AVEN: variants seen among roughly 807,000 people sequenced by gnomAD.
The protein encoded by AVEN is cell death regulator Aven.
In AVEN, 41 loss-of-function variants were observed where a neutral mutation model predicts 38.1. That is an observed-to-expected ratio of 1.08 (90% CI 0.84 to 1.40). The LOEUF (loss-of-function observed/expected upper bound fraction) is 1.40. AVEN is among the 40% of genes most tolerant of loss of function. AVEN has a pLI of 0.00. For missense variants in AVEN, 605 were observed against 438.8 expected (o/e 1.38, Z -3.38); for synonymous variants, 206 against 171.8 (o/e 1.20, Z -1.56).
At chr15:33,890,623 T>C (rs575929169) in intron 2 of AVEN, among the ~76,000 whole-genome samples, 77 of 151,854 alleles carry the variant, frequency 5.1e-4, no homozygotes, top group Non-Finnish European at 9.3e-4. Context: ...ATAACTCAAA[T>C]AAGAACAAGT....
rs563381527 is a variant in AVEN at position 33,859,263 on chromosome 15, AAATTATT to A, written n.2730-176_2730-170del. On this transcript the variant is annotated intron_variant and non_coding_transcript_variant, in intron 11 of 11. Coordinates refer to the AVEN transcript ENST00000675287. ...AACACTCTTAAAATTAAATGAGGAAAAATTATTATATGGCATAGGCCATACTCATCAA... is the reference window on the plus strand; with the variant it reads ...AACACTCTTAAAATTAAATGAGGAAAATATGGCATAGGCCATACTCATCAA... 1.2e-4 allele frequency among the ~76,000 whole-genome samples: 18 copies of A among 152,360 alleles called. No individual in the cohort carries two copies. The East Asian group carries it at 3.1e-3, about 26-fold the overall frequency.
At chr15:34,020,990 G>C (rs1898175839) in intron 1 of AVEN, among the ~76,000 whole-genome samples, 1 of 152,172 alleles carries the variant, frequency 6.6e-6, no homozygotes, top group African/African-American at 2.4e-5. Flanking sequence ...CCATGCATCT[G>C]AAAAGTCTTT....
At chr15:34,027,001 AAT>A (rs1491239926) in intron 1 of AVEN, among the ~76,000 whole-genome samples, 14,563 of 152,256 alleles carry the variant, frequency 0.096, 908 homozygotes, top group East Asian at 0.33. Context: ...TGCTTCAAAA[AAT>A]AGAATAGAAG....
At chr15:33,931,278 C>T (rs187769671) in intron 2 of AVEN, among the ~76,000 whole-genome samples, 74 of 150,188 alleles carry the variant, frequency 4.9e-4, no homozygotes, top group African/African-American at 1.7e-3. Flanking sequence ...TTTCAGTCAA[C>T]ACATAACCAT....
chr15:33,987,517 G>T (rs981516257), intron 2 of AVEN, among the ~76,000 whole-genome samples: 9 of 152,112 alleles, frequency 5.9e-5, no homozygotes, highest in Non-Finnish European at 8.8e-5. Context: ...CTCCTCCCCA[G>T]CTGCAGCCTC....
chr15:33,866,393 A>C lies in AVEN; in HGVS notation c.*220T>G. 1.8e-6 allele frequency: 1 copy of C among 568,112 alleles called. No homozygotes were observed. Among genetic ancestry groups the C allele is most frequent in the Non-Finnish European group, 3.1e-6 (1 of 321,414 alleles). 35.2% of individuals were successfully genotyped at this position (568,112 alleles called of 1,614,324 possible). A position where few individuals can be genotyped will look rare whatever the true frequency, so the allele number is the denominator to read the frequency against. On this transcript the variant is annotated 3_prime_UTR_variant, in exon 6 of 6. Coordinates refer to ENST00000306730, the MANE Select transcript of AVEN (RefSeq NM_020371.3). ...AGAGTCTATCTCCTGCCCTTAAGGA[A>C]ATCTATTAGATTACTAAGCCAGAAA...
Position 33,931,261 on chromosome 15 carries a change from G to A in AVEN, c.446-55266C>T, listed in dbSNP as rs182800258. 3.3e-3 allele frequency among the ~76,000 whole-genome samples: 491 copies of A among 149,996 alleles called. 1 individual carries two copies. The highest frequency in any genetic ancestry group is 4.9e-3 in the Non-Finnish European group (330 of 67,778). On this transcript the variant is annotated intron_variant, in intron 2 of 5. Transcript: ENST00000306730. ...AGGATCATTTGTATGGACTTGTTTT[G>A]CACTTGTTTCAGTCAACACATAACC...
chr15:34,007,812 T>C (rs1729100204), intron 1 of AVEN, among the ~76,000 whole-genome samples: 2 of 152,212 alleles, frequency 1.3e-5, no homozygotes, highest in Admixed American at 1.3e-4. Context: ...TTCTGGAAGT[T>C]CTGAGGGAGA....
chr15:33,905,794 T>G (rs2153044254), intron 2 of AVEN, among the ~76,000 whole-genome samples: 1 of 148,300 alleles, frequency 6.7e-6, no homozygotes, highest in Admixed American at 6.8e-5. Context: ...CACTCCAGCC[T>G]GTATGACAAA....
downstream of AVEN, chr15:33,865,283 C>T: frequency 1.6e-6 from 2 of 1,245,312 alleles, no homozygotes; most frequent in Admixed American, 1.9e-5. Flanking sequence ...GAAATAAAGT[C>T]CCCTTTTTAC....
chr15:33,945,775 C>CG (rs1894486206), intron 2 of AVEN, among the ~76,000 whole-genome samples: 1 of 151,984 alleles, frequency 6.6e-6, no homozygotes, highest in Admixed American at 6.6e-5. Flanking sequence ...TTCGTAGAGA[C>CG]GGGGTTTCGC....
At chr15:33,963,037 A>T (rs767320178) in intron 2 of AVEN, among the ~76,000 whole-genome samples, 2 of 152,118 alleles carry the variant, frequency 1.3e-5, no homozygotes, top group Non-Finnish European at 2.9e-5. Flanking sequence ...ATAACTGAAG[A>T]GAACAACTCC....
chr15:33,917,300 T>A (rs904302966), intron 2 of AVEN, among the ~76,000 whole-genome samples: 1 of 150,972 alleles, frequency 6.6e-6, no homozygotes, highest in African/African-American at 2.4e-5. Flanking sequence ...AATACAAAAA[T>A]ATGGAACCAG....
chr15:34,062,794 G>T (rs1900389096), intron 5 of AVEN: 1 of 1,614,094 alleles, frequency 6.2e-7, no homozygotes. Context: ...GAACGCCACA[G>T]GTTGTGGGAA....
chr15:33,856,054 A>C (rs1033684281), downstream of AVEN: 2 of 152,156 alleles, frequency 1.3e-5, no homozygotes, highest in African/African-American at 4.8e-5. Context: ...ACTACCTGGT[A>C]AGGCACACGT....
chr15:33,961,739 G>A (rs1045344182), intron 2 of AVEN, among the ~76,000 whole-genome samples: 16 of 144,144 alleles, frequency 1.1e-4, no homozygotes, highest in Non-Finnish European at 2.1e-4. Context: ...CGTGAACCCG[G>A]GAGGCGGAGC....
intron 2 of AVEN, among the ~76,000 whole-genome samples, chr15:33,966,524 A>C (rs1895390302): frequency 6.6e-6 from 1 of 152,172 alleles, no homozygotes; most frequent in Non-Finnish European, 1.5e-5. Flanking sequence ...GCCCTCCATA[A>C]AAAATGGGAG....
At position 33,913,879 on chromosome 15, in the gene AVEN, C is replaced by T. The variant is rs1348563314; in HGVS notation, c.446-37884G>A. Among the ~76,000 whole-genome samples the T allele has an allele frequency of 2.6e-5, 4 of 152,166 alleles. No homozygotes were observed. The South Asian group carries it at 6.2e-4, about 24-fold the overall frequency. On this transcript the variant is annotated intron_variant, in intron 2 of 5. Transcript: ENST00000306730. ...AACAATATCAATGGATATAACCAGGCGGAAACTCAGATCTACAGAAATCCA... is the reference window on the plus strand; with the variant it reads ...AACAATATCAATGGATATAACCAGGTGGAAACTCAGATCTACAGAAATCCA...
At position 33,882,603 on chromosome 15, in the gene AVEN, A is replaced by G. The variant is rs1043021583; in HGVS notation, c.446-6608T>C. The stretch of plus-strand genomic sequence containing the variant: ...AATAAGGCTGGGTGTACAGTGGCTT[A>G]CGCCTGTAATCTCAGCACTTTGGGA... On this transcript the variant is annotated intron_variant, in intron 2 of 5. Transcript: ENST00000306730. 1.5e-4 allele frequency among the ~76,000 whole-genome samples: 23 copies of G among 152,014 alleles called. 1 individual carries two copies. The highest frequency in any genetic ancestry group is 6.5e-4 in the Admixed American group (10 of 15,268).
Sources: allele counts gnomAD v4.1 joint callset (sites outside exome capture counted in the v4.1 genomes callset), GRCh38; gene constraint gnomAD v4.1.1; transcripts MANE v1.5; gene names NCBI Gene and HGNC (gene_info 2026-07-23, HGNC 2026-07-21).